The following NCOA2 variants were observed in gnomAD, a reference collection of about 807,000 sequenced individuals.
NCOA2 encodes class E basic helix-loop-helix protein 75.
Under a neutral mutation model 145.1 loss-of-function variants are expected in NCOA2, and 21 were observed. The ratio of observed to expected loss-of-function variants is 0.14; its 90% CI spans 0.10 to 0.21. The LOEUF (loss-of-function observed/expected upper bound fraction) is 0.21. Among genes scored for constraint, NCOA2 ranks in the 10% least tolerant of loss-of-function variants. The pLI, the probability that NCOA2 is intolerant of heterozygous loss-of-function variation, is 1.00. For synonymous variants in NCOA2, 619 were observed against 637.5 expected, an observed-to-expected ratio of 0.97 and a Z score of 0.44; for missense variants, 1,472 against 1,837.6, an observed-to-expected ratio of 0.80 and a Z score of 3.64.
At chr8:70,210,956 AT>A (rs1487102697) in intron 4 of NCOA2, among the ~76,000 whole-genome samples, 1 of 152,208 alleles carries the variant, frequency 6.6e-6, no homozygotes. Flanking sequence ...TGGTGTAAAG[AT>A]GGTAGTTGGA....
At chr8:70,303,671 T>C (rs904691045) in intron 1 of NCOA2, among the ~76,000 whole-genome samples, 6 of 152,314 alleles carry the variant, frequency 3.9e-5, no homozygotes, top group Non-Finnish European at 7.3e-5. Flanking sequence ...GTTGCATCCA[T>C]CTTTGAGTAA....
At position 70,333,714 on chromosome 8, in the gene NCOA2, C is replaced by T. The variant is rs1191307740; in HGVS notation, c.-76-36914G>A. Among the ~76,000 whole-genome samples the T allele has an allele frequency of 2.6e-5, 4 of 152,280 alleles. No individual in the cohort carries two copies. In the East Asian group the frequency reaches 7.7e-4, roughly 29 times the overall value. ...TACCTGCACTTGTCAATTCACCAGT[C>T]CTAAAAGCCATCCAAGACCCTCCCC... On this transcript the variant is annotated intron_variant, in intron 1 of 22. Transcript: ENST00000452400.
intron 1 of NCOA2, among the ~76,000 whole-genome samples, chr8:70,312,010 C>T (rs1172539102): frequency 6.6e-6 from 1 of 152,100 alleles, no homozygotes; most frequent in Non-Finnish European, 1.5e-5. Context: ...GGTATGTTGA[C>T]CCTGTAATTT....
intron 1 of NCOA2, among the ~76,000 whole-genome samples, chr8:70,374,425 T>TCACG (rs911011510): frequency 1.4e-4 from 21 of 148,798 alleles, no homozygotes; most frequent in Non-Finnish European, 2.4e-4. Flanking sequence ...TGAGCTAAGA[T>TCACG]CACGCCACAG....
At chr8:70,345,702 A>T (rs888386880) in intron 1 of NCOA2, among the ~76,000 whole-genome samples, 13 of 152,200 alleles carry the variant, frequency 8.5e-5, no homozygotes, top group Non-Finnish European at 4.4e-5. Context: ...GATCTGAAAG[A>T]GCATCTAGTC....
chr8:70,286,544 A>C (rs996112969), intron 2 of NCOA2, among the ~76,000 whole-genome samples: 2 of 152,242 alleles, frequency 1.3e-5, no homozygotes, highest in African/African-American at 4.8e-5. Context: ...TTTAAGAAAC[A>C]GCATGAATTG....
chr8:70,197,477 T>A (rs1817449881), intron 4 of NCOA2, among the ~76,000 whole-genome samples: 1 of 152,222 alleles, frequency 6.6e-6, no homozygotes, highest in African/African-American at 2.4e-5. Context: ...CTAAAAAAGC[T>A]TTAACGATTT....
chr8:70,421,153 T>C, the NCOA2 span, among the ~76,000 whole-genome samples: 2 of 152,072 alleles, frequency 1.3e-5, no homozygotes, highest in East Asian at 1.9e-4. Flanking sequence ...ACACAGCAAG[T>C]GTATTAGGTA....
At chr8:70,361,628 T>C (rs995244835) in intron 1 of NCOA2, among the ~76,000 whole-genome samples, 1 of 152,202 alleles carries the variant, frequency 6.6e-6, no homozygotes. Context: ...CTACCATTAT[T>C]CAAAAGAATA....
At chr8:70,140,887 G>A (rs1315647427) in intron 14 of NCOA2, among the ~76,000 whole-genome samples, 6 of 152,020 alleles carry the variant, frequency 3.9e-5, no homozygotes, top group Admixed American at 2.6e-4. Context: ...GTGAGTCACC[G>A]TGCCTGGCCT....
At chr8:70,417,556 C>CAA in the NCOA2 span, among the ~76,000 whole-genome samples, 124 of 108,308 alleles carry the variant, frequency 1.1e-3, 1 homozygote, top group African/African-American at 9.0e-3. Flanking sequence ...TCTCAAAAAA[C>CAA]AAACAAACAA....
chr8:70,175,596 G>T (rs938490398), intron 4 of NCOA2, among the ~76,000 whole-genome samples: 7 of 152,244 alleles, frequency 4.6e-5, no homozygotes, highest in Non-Finnish European at 1.0e-4. Context: ...GAATGAGAAT[G>T]TTTTGTGAAA....
intron 15 of NCOA2, among the ~76,000 whole-genome samples, chr8:70,137,585 A>C (rs1809875186): frequency 6.6e-6 from 1 of 152,256 alleles, no homozygotes; most frequent in Non-Finnish European, 1.5e-5. Flanking sequence ...GTCATGAAAC[A>C]AGAATCAAAG....
At chr8:70,128,342 G>A (rs1445316649) in intron 18 of NCOA2, 91 bp downstream of exon 18, 8 of 1,079,138 alleles carry the variant, frequency 7.4e-6, no homozygotes, top group Middle Eastern at 2.0e-4. Context: ...CTGGATCCAC[G>A]TCTACTAAGT....
At chr8:70,155,896 T>A in intron 11 of NCOA2, 75 bp downstream of exon 11, 1 of 1,225,516 alleles carries the variant, frequency 8.2e-7, no homozygotes. Flanking sequence ...ACCTGAGACT[T>A]CAAAATGCCC....
At position 70,128,498 on chromosome 8, in the gene NCOA2, G is replaced by C; in HGVS notation, c.3616C>G (p.Leu1206Val). The C allele has an allele frequency of 6.2e-7, 1 of 1,612,690 alleles. No homozygotes were observed. ...RLQAQQNRQP[L>V]MNQISNVSNV... ...GAAACATTGCTGATTTGATTCATAA[G>C]TGGCTGGCGATTCTAAATACATACA... The change falls in exon 18 of 23, where the codon CTT (leucine) becomes GTT (valine). Residue 1206 changes from leucine (L) to valine (V), a missense_variant. Coordinates refer to ENST00000452400, the MANE Select transcript of NCOA2 (RefSeq NM_006540.4).
chr8:70,426,520 C>A, the NCOA2 span, among the ~76,000 whole-genome samples: 1 of 152,156 alleles, frequency 6.6e-6, no homozygotes, highest in South Asian at 2.1e-4. Flanking sequence ...ACCTGTCATG[C>A]TTTAAGTTAA....
intron 12 of NCOA2, among the ~76,000 whole-genome samples, chr8:70,145,182 A>G (rs1265511311): frequency 6.6e-6 from 1 of 152,106 alleles, no homozygotes; most frequent in Non-Finnish European, 1.5e-5. Context: ...TCTGAGACAG[A>G]GTTTCGCTCT....
intron 1 of NCOA2, among the ~76,000 whole-genome samples, chr8:70,379,546 T>A (rs1306256337): frequency 6.6e-6 from 1 of 152,208 alleles, no homozygotes; most frequent in African/African-American, 2.4e-5. Context: ...GTTCATGTTG[T>A]CACTGACATT....
Sources: allele counts gnomAD v4.1 joint callset (sites outside exome capture counted in the v4.1 genomes callset), GRCh38; gene constraint gnomAD v4.1.1; transcripts MANE v1.5; gene names NCBI Gene and HGNC (gene_info 2026-07-23, HGNC 2026-07-21).